Variants in PSMA1 observed in about 807,000 individuals in gnomAD.
The protein encoded by PSMA1 is proteasome subunit alpha type-1.
PSMA1 carries 3 observed loss-of-function variants against 38.4 expected under a neutral mutation model. The observed-to-expected ratio is 0.08, with a 90% CI of 0.04 to 0.20. The LOEUF (loss-of-function observed/expected upper bound fraction) is 0.20, where lower values mean the gene tolerates loss of function less well. Ranked by LOEUF, PSMA1 falls within the 10% of genes least tolerant of loss-of-function variation. PSMA1 has a pLI of 1.00. For synonymous variants in PSMA1, 101 were observed against 107.1 expected (o/e 0.94, Z 0.35); for missense variants, 227 against 325.3 (o/e 0.70, Z 2.32).
At chr11:14,621,982 A>T (rs762113431) in intron 1 of PSMA1, among the ~76,000 whole-genome samples, 2 of 152,210 alleles carry the variant, frequency 1.3e-5, no homozygotes, top group Non-Finnish European at 2.9e-5. Context: ...TCATCAGCTA[A>T]ATCAACCTGT....
upstream of PSMA1, among the ~76,000 whole-genome samples, chr11:14,521,319 TA>T (rs1851524639): frequency 6.3e-5 from 5 of 79,058 alleles, no homozygotes; most frequent in Non-Finnish European, 2.5e-5. Context: ...AGAATAAGAA[TA>T]AGAATAAGAA....
rs1472972932 is a variant in PSMA1, at chr11:14,505,122, T to A, written c.*70A>T. On this transcript the variant is annotated 3_prime_UTR_variant, in exon 10 of 10. Coordinates refer to ENST00000396394, the MANE Select transcript of PSMA1 (RefSeq NM_002786.4). Reference sequence around the variant, plus strand: ...TGCAACTTTTGGTTCAAAGTATAGATTATTGTCATCAGTATGTGGTGCCTG... The same window carrying A: ...TGCAACTTTTGGTTCAAAGTATAGAATATTGTCATCAGTATGTGGTGCCTG... 5.8e-6 allele frequency: 8 copies of A among 1,377,276 alleles called. No homozygotes were observed. The highest frequency in any genetic ancestry group is 4.2e-4 in the Middle Eastern group (2 of 4,716). 85.3% of individuals were successfully genotyped at this position (1,377,276 alleles called of 1,614,324 possible). A position where few individuals can be genotyped will look rare whatever the true frequency, so the allele number is the denominator to read the frequency against.
At chr11:14,637,538 T>G (rs1340794267) in intron 1 of PSMA1, among the ~76,000 whole-genome samples, 7 of 152,220 alleles carry the variant, frequency 4.6e-5, no homozygotes, top group African/African-American at 1.7e-4. Flanking sequence ...ACATAAATCT[T>G]TTTTTGTCTT....
At chr11:14,599,331 G>C (rs1046457342) in intron 2 of PSMA1, among the ~76,000 whole-genome samples, 1 of 152,158 alleles carries the variant, frequency 6.6e-6, no homozygotes, top group African/African-American at 2.4e-5. Context: ...CCTGAAGAGT[G>C]TTTTCCAACT....
chr11:14,638,999 G>C (rs1050682686), intron 1 of PSMA1, among the ~76,000 whole-genome samples: 1 of 152,016 alleles, frequency 6.6e-6, no homozygotes, highest in Non-Finnish European at 1.5e-5. Flanking sequence ...AAGCGTTATA[G>C]ATTTAATACT....
chr11:14,565,200 T>C (rs1043603342), intron 2 of PSMA1, among the ~76,000 whole-genome samples: 3 of 152,212 alleles, frequency 2.0e-5, no homozygotes, highest in Admixed American at 2.0e-4. Context: ...TAGTATGCCT[T>C]TATTATCCTT....
intron 1 of PSMA1, among the ~76,000 whole-genome samples, chr11:14,638,972 C>A (rs1039632510): frequency 6.6e-6 from 1 of 151,926 alleles, no homozygotes; most frequent in African/African-American, 2.4e-5. Flanking sequence ...AATAAAAAAT[C>A]CAGGAAATTT....
chr11:14,640,190 G>A (rs1393474150), intron 1 of PSMA1, among the ~76,000 whole-genome samples: 1 of 152,132 alleles, frequency 6.6e-6, no homozygotes, highest in African/African-American at 2.4e-5. Flanking sequence ...AGAGAGGTCG[G>A]GGGAAAGAGG....
intron 1 of PSMA1, among the ~76,000 whole-genome samples, chr11:14,628,362 T>A (rs1322689341): frequency 8.3e-6 from 1 of 120,306 alleles, no homozygotes; most frequent in Admixed American, 9.2e-5. Context: ...TTCCCCTTCC[T>A]GTGTCCATGT....
intron 8 of PSMA1, among the ~76,000 whole-genome samples, chr11:14,509,061 A>G (rs745869800): frequency 2.0e-5 from 3 of 152,162 alleles, no homozygotes; most frequent in Non-Finnish European, 4.4e-5. Context: ...GACTTCAAAA[A>G]TTTGAAATGT....
At chr11:14,517,566 C>T (rs2134149549) in intron 4 of PSMA1, 76 bp downstream of exon 4, 3 of 1,189,494 alleles carry the variant, frequency 2.5e-6, no homozygotes, top group Non-Finnish European at 3.5e-6. Context: ...TCCTAAAATA[C>T]CTTATCTGGA....
At position 14,542,133 on chromosome 11, in the gene PSMA1, A is replaced by G. The variant is rs1851779527; in HGVS notation, c.22-23092T>C. On this transcript the variant is annotated intron_variant, in intron 2 of 10. Coordinates refer to the PSMA1 transcript ENST00000418988. ...TTCTATATTAAAAATTCTCTATACC[A>G]TGGTTAAAACTTTTAAAAAAGTAAA... Among the ~76,000 whole-genome samples, 4 of 152,322 alleles carry G rather than the reference A, an allele frequency of 2.6e-5. No homozygotes were observed. In the South Asian group the frequency reaches 8.3e-4, roughly 32 times the overall value.
At chr11:14,622,940 T>C (rs182497894) in intron 1 of PSMA1, among the ~76,000 whole-genome samples, 1 of 152,248 alleles carries the variant, frequency 6.6e-6, no homozygotes, top group Admixed American at 6.5e-5. Flanking sequence ...TATATGTCTT[T>C]TGAGAAAAAG....
At chr11:14,588,056 T>TG (rs1343092347) in intron 2 of PSMA1, among the ~76,000 whole-genome samples, 1 of 152,126 alleles carries the variant, frequency 6.6e-6, no homozygotes, top group Non-Finnish European at 1.5e-5. Context: ...TACAATCTAA[T>TG]GAAAGTAAGA....
At position 14,514,557 on chromosome 11, in the gene PSMA1, T is replaced by C. The variant is rs560876609; in HGVS notation, c.255-66A>G. ...AGACAACTATTCCAATCTAAATTGT[T>C]TGATTTCACTTCAAATTCTTCCAAG... On this transcript the variant is annotated intron_variant, in intron 4 of 9. Coordinates refer to ENST00000396394, the MANE Select transcript of PSMA1 (RefSeq NM_002786.4). The C allele has an allele frequency of 1.7e-5, 20 of 1,191,594 alleles. 1 individual carries two copies. In the East Asian group the frequency reaches 4.8e-4, roughly 29 times the overall value. 73.8% of individuals were successfully genotyped at this position (1,191,594 alleles called of 1,614,324 possible).
intron 2 of PSMA1, among the ~76,000 whole-genome samples, chr11:14,528,396 T>C (rs1356681142): frequency 1.3e-5 from 2 of 152,092 alleles, no homozygotes; most frequent in Admixed American, 6.5e-5. Flanking sequence ...CCATCACCAA[T>C]ACTATATGAC....
intron 2 of PSMA1, among the ~76,000 whole-genome samples, chr11:14,533,907 G>A (rs1054764380): frequency 2.6e-5 from 4 of 151,950 alleles, no homozygotes; most frequent in South Asian, 2.1e-4. Flanking sequence ...AAGGCTGGGC[G>A]CAGTGGCTCA....
rs911747961 is a variant in PSMA1, at chr11:14,631,235, C to G, written c.-166+12220G>C. On this transcript the variant is annotated intron_variant, in intron 1 of 10. Coordinates refer to the PSMA1 transcript ENST00000418988. ...TTTGAATGAGTTTGCTCTTGCTTTT[C>G]TAGTTCTTTTAATTGTGATGTTAGT... is the stretch of plus-strand genomic sequence containing the variant. Among the ~76,000 whole-genome samples, 44 of 152,084 alleles carry G rather than the reference C, an allele frequency of 2.9e-4. 1 individual carries two copies. Among genetic ancestry groups the G allele is most frequent in the Non-Finnish European group, 5.9e-5 (4 of 68,010 alleles).
intron 1 of PSMA1, among the ~76,000 whole-genome samples, chr11:14,638,128 C>T (rs1853133459): frequency 6.6e-6 from 1 of 152,110 alleles, no homozygotes; most frequent in South Asian, 2.1e-4. Context: ...TAACATGAGA[C>T]TTTAAGTAAC....
Sources: allele counts gnomAD v4.1 joint callset (sites outside exome capture counted in the v4.1 genomes callset), GRCh38; gene constraint gnomAD v4.1.1; transcripts MANE v1.5; gene names NCBI Gene and HGNC (gene_info 2026-07-23, HGNC 2026-07-21).